COG3: variants seen among roughly 807,000 people sequenced by gnomAD.
The protein encoded by COG3 is component of oligomeric golgi complex 3.
COG3 carries 32 observed loss-of-function variants against 114.1 expected under a neutral mutation model. That is an observed-to-expected ratio of 0.28 (90% CI 0.21 to 0.38). COG3 has a LOEUF of 0.38. COG3 is among the 10% of genes least tolerant of loss of function. The pLI is 1.00. For missense variants in COG3, 813 were observed against 973.2 expected (o/e 0.84, Z 2.19); for synonymous variants, 352 against 365.7 (o/e 0.96, Z 0.43).
chr13:45,531,132 A>AT (rs1873134467), intron 22 of COG3: 1 of 945,432 alleles, frequency 1.1e-6, no homozygotes, highest in Non-Finnish European at 1.3e-6. Context: ...TTTTAAAAAA[A>AT]TTTTTGATTT....
In COG3 at chr13:45,486,481, C is replaced by T; in HGVS notation, c.844-14C>T. Reference sequence around the variant, plus strand: ...AATTATCTTCCTTCCTTATCCTCCCCCATGTTTCTTTAGGATCCTTCATCT... The same window carrying T: ...AATTATCTTCCTTCCTTATCCTCCCTCATGTTTCTTTAGGATCCTTCATCT... On this transcript the variant is annotated splice_polypyrimidine_tract_variant and intron_variant, in intron 7 of 22. Transcript: ENST00000349995. 1.3e-6 allele frequency: 2 copies of T among 1,522,326 alleles called. No homozygotes were observed. Among genetic ancestry groups the T allele is most frequent in the Non-Finnish European group, 1.8e-6 (2 of 1,096,920 alleles). The allele number at this position is 1,522,326 out of a possible 1,614,324, so 94.3% of individuals were successfully genotyped here.
chr13:45,481,583 G>GTA (rs1886251429), intron 5 of COG3, among the ~76,000 whole-genome samples: 1 of 152,138 alleles, frequency 6.6e-6, no homozygotes, highest in Non-Finnish European at 1.5e-5. Context: ...GAAGAAGATT[G>GTA]TAAGAAGAAA....
At chr13:45,508,162 A>G (rs1386733558) in intron 14 of COG3, among the ~76,000 whole-genome samples, 1 of 149,438 alleles carries the variant, frequency 6.7e-6, no homozygotes, top group East Asian at 2.0e-4. Context: ...TCTGTGCTAT[A>G]CAACCTACAG....
rs778446049 is a variant in COG3 at position 45,509,698 on chromosome 13, C to G, written c.1601C>G (p.Thr534Arg). Residue 534 changes from threonine to arginine, a missense_variant, in exon 15 of 23, where the codon ACA becomes AGA. Physicochemically the swap from Thr to Arg is moderately conservative, Grantham distance 71. Around this residue, in one of 2 missense-constraint regions of COG3, gnomAD observed 389 missense variants for 542.6 expected, o/e 0.72. Transcript: ENST00000349995. ...ESNSLTKSGS[T>R]ESLNPRPQTT... ...TTTTCCACTTGGGTTTTAGGTTCAACAGAATCCCTCAATCCTAGACCACAG... is the reference window on the plus strand; with the variant it reads ...TTTTCCACTTGGGTTTTAGGTTCAAGAGAATCCCTCAATCCTAGACCACAG... 11 of 1,613,624 alleles carry G rather than the reference C, an allele frequency of 6.8e-6. No individual in the cohort carries two copies. The highest frequency in any genetic ancestry group is 9.3e-6 in the Non-Finnish European group (11 of 1,179,774).
intron 4 of COG3, 143 bp downstream of exon 4, chr13:45,480,433 T>A (rs1340409871): frequency 3.4e-6 from 2 of 580,376 alleles, no homozygotes; most frequent in Non-Finnish European, 5.8e-6. Context: ...TGCAGATTGT[T>A]ACACTGACAG....
chr13:45,473,512 G>T (rs1384470767), intron 1 of COG3, among the ~76,000 whole-genome samples: 4 of 152,034 alleles, frequency 2.6e-5, no homozygotes, highest in Non-Finnish European at 4.4e-5. Flanking sequence ...AATTTGTGAT[G>T]ATCTGTTCAT....
chr13:45,476,316 T>C lies in COG3; in HGVS notation c.290T>C (p.Met97Thr), dbSNP rs773996809. The C allele has an allele frequency of 3.1e-6, 5 of 1,613,888 alleles. No homozygotes were observed. Among genetic ancestry groups the C allele is most frequent in the Non-Finnish European group, 4.2e-6 (5 of 1,179,946 alleles). ...TTGAAGGGCTTCACTTCCTTAGGAA[T>C]GGAAGAAGAAAGAATTGAAACCGCA... ...ILLKGFTSLGMEEERIETAQQ... is the reference protein window; with the variant it reads ...ILLKGFTSLGTEEERIETAQQ... Residue 97 changes from methionine (M) to threonine (T), a missense_variant, in exon 2 of 23, where the codon ATG becomes ACG. Transcript: ENST00000349995.
rs937671264 is a variant in COG3 at position 45,518,885 on chromosome 13, T to G, written c.2019+35T>G. On this transcript the variant is annotated intron_variant, in intron 18 of 22. Coordinates refer to ENST00000349995, the MANE Select transcript of COG3 (RefSeq NM_031431.4). ...AGTCTGTTTCATTGGTGGTGGGAGA[T>G]AAACGACATTCTTTACATGTCTGGT... 4.3e-6 allele frequency: 7 copies of G among 1,610,580 alleles called. No homozygotes were observed. In the African/African-American group the frequency reaches 9.4e-5, roughly 22 times the overall value.
intron 7 of COG3, among the ~76,000 whole-genome samples, chr13:45,486,147 C>G (rs1886624306): frequency 7.0e-6 from 1 of 142,762 alleles, no homozygotes; most frequent in South Asian, 2.2e-4. Flanking sequence ...CCGTCTCCAC[C>G]AAAACCAATC....
intron 15 of COG3, among the ~76,000 whole-genome samples, chr13:45,511,457 C>T (rs1566264589): frequency 2.0e-5 from 3 of 152,170 alleles, no homozygotes; most frequent in Admixed American, 6.5e-5. Flanking sequence ...CTTGTTGGAG[C>T]GAAGGCTCCG....
At chr13:45,510,982 A>G (rs1017063978) in intron 15 of COG3, among the ~76,000 whole-genome samples, 1 of 152,224 alleles carries the variant, frequency 6.6e-6, no homozygotes, top group East Asian at 1.9e-4. Flanking sequence ...GTTGGAGACC[A>G]GGGCCCAGGA....
intron 14 of COG3, among the ~76,000 whole-genome samples, chr13:45,506,219 C>G (rs1239252121): frequency 6.6e-6 from 1 of 151,900 alleles, no homozygotes; most frequent in Non-Finnish European, 1.5e-5. Flanking sequence ...TGTGTAAGAT[C>G]ATCCTAGGAC....
Position 45,474,352 on chromosome 13 carries a change from C to T in COG3, c.175-1849C>T, listed in dbSNP as rs563271294. On this transcript the variant is annotated intron_variant, in intron 1 of 22. Transcript: ENST00000349995. ...TTTTTTTGTGTGTTTTTAGTTGAGA[C>T]GGGGTTTCACCATGTTAGCCAGGAT... is the stretch of plus-strand genomic sequence containing the variant. 3.2e-4 allele frequency among the ~76,000 whole-genome samples: 48 copies of T among 151,730 alleles called. 1 individual carries two copies. The highest frequency in any genetic ancestry group is 8.3e-4 in the South Asian group (4 of 4,796).
chr13:45,504,989 C>T (rs1302703063), intron 14 of COG3, among the ~76,000 whole-genome samples: 1 of 151,908 alleles, frequency 6.6e-6, no homozygotes, highest in Non-Finnish European at 1.5e-5. Context: ...GAGTTCGAGA[C>T]CAGCCTGGCC....
chr13:45,469,204 T>TA (rs1885325820), intron 1 of COG3, among the ~76,000 whole-genome samples: 1 of 152,208 alleles, frequency 6.6e-6, no homozygotes, highest in Non-Finnish European at 1.5e-5. Flanking sequence ...AGAATACTCT[T>TA]ATAAATTTAG....
intron 1 of COG3, among the ~76,000 whole-genome samples, chr13:45,471,536 C>T (rs938273133): frequency 6.6e-6 from 1 of 152,080 alleles, no homozygotes; most frequent in Non-Finnish European, 1.5e-5. Flanking sequence ...ACTACTTTTG[C>T]TTTTGACATT....
chr13:45,508,374 T>A (rs867686856), intron 14 of COG3, among the ~76,000 whole-genome samples: 1 of 85,676 alleles, frequency 1.2e-5, no homozygotes, highest in Non-Finnish European at 2.6e-5. Flanking sequence ...ATTTTATTTT[T>A]TATATATATT....
In COG3 at chr13:45,493,341, T is replaced by C; in HGVS notation, c.1188-6T>C. On this transcript the variant is annotated splice_polypyrimidine_tract_variant and splice_region_variant and intron_variant, in intron 11 of 22. Transcript: ENST00000349995. ...ACTAATAGACATTTTTATTCTTTCA[T>C]TTTAGTGAGCTTTTGGAGAAACTGT... The C allele has an allele frequency of 6.2e-7, 1 of 1,604,062 alleles. No individual in the cohort carries two copies. The highest frequency in any genetic ancestry group is 8.5e-7 in the Non-Finnish European group (1 of 1,175,392).
At chr13:45,480,916 A>G (rs1886210281) in intron 4 of COG3, among the ~76,000 whole-genome samples, 1 of 152,246 alleles carries the variant, frequency 6.6e-6, no homozygotes, top group South Asian at 2.1e-4. Context: ...TGAGATTTTG[A>G]AAAGATCAAC....
Sources: allele counts gnomAD v4.1 joint callset (sites outside exome capture counted in the v4.1 genomes callset), GRCh38; gene constraint gnomAD v4.1.1; regional missense constraint gnomAD v4.1.1; transcripts MANE v1.5; gene names NCBI Gene and HGNC (gene_info 2026-07-23, HGNC 2026-07-21).